Variants in RBFOX3 observed in about 807,000 individuals in gnomAD.
RBFOX3 encodes the protein RNA binding fox-1 homolog 3.
A neutral mutation model predicts 48.7 loss-of-function variants in RBFOX3; 17 were observed. The observed-to-expected ratio is 0.35, with a 90% CI of 0.24 to 0.52. The LOEUF (loss-of-function observed/expected upper bound fraction) is 0.52. RBFOX3 is among the 20% of genes least tolerant of loss of function. RBFOX3 has a pLI of 0.94. For synonymous variants in RBFOX3, 212 were observed against 209.5 expected (o/e 1.01, Z -0.10); for missense variants, 382 against 497.5 (o/e 0.77, Z 2.21).
At chr17:79,092,701 G>T in intron 14 of RBFOX3, 1 of 826,122 alleles carries the variant, frequency 1.2e-6, no homozygotes, top group Non-Finnish European at 1.4e-6. Flanking sequence ...AGGGGAAAAA[G>T]CAAAAAGAAA....
intron 3 of RBFOX3, among the ~76,000 whole-genome samples, chr17:79,251,120 T>G (rs2063889768): frequency 6.6e-6 from 1 of 152,106 alleles, no homozygotes; most frequent in South Asian, 2.1e-4. Flanking sequence ...GTTTCTGATG[T>G]GAGCTCAGCC....
chr17:79,575,449 G>C (rs1290749183), intron 1 of RBFOX3, among the ~76,000 whole-genome samples: 1 of 152,208 alleles, frequency 6.6e-6, no homozygotes, highest in Non-Finnish European at 1.5e-5. Context: ...GGGGCAGCCA[G>C]CAGGGCTGGG....
chr17:79,260,230 C>A (rs921438014), intron 3 of RBFOX3, among the ~76,000 whole-genome samples: 1 of 152,142 alleles, frequency 6.6e-6, no homozygotes. Context: ...CACCCCTCCC[C>A]ACTGGCTAGC....
rs181102192 is a variant in RBFOX3 at position 79,179,243 on chromosome 17, C to T, written c.-34+56523G>A. ...GCCTCCTAATGAATCTCAGAACAGA[C>T]CCTAGAATCCCCCTGCCCCTCGGCG... On this transcript the variant is annotated intron_variant, in intron 4 of 14. Coordinates refer to ENST00000693108, the MANE Select transcript of RBFOX3 (RefSeq NM_001350451.2). Among the ~76,000 whole-genome samples the T allele has an allele frequency of 3.9e-5, 6 of 152,348 alleles. No individual in the cohort carries two copies. In the East Asian group the frequency reaches 1.2e-3, roughly 29 times the overall value.
chr17:79,341,951 AT>A (rs1473677238), intron 2 of RBFOX3, among the ~76,000 whole-genome samples: 1 of 152,204 alleles, frequency 6.6e-6, no homozygotes, highest in Non-Finnish European at 1.5e-5. Context: ...CATTTGGAAA[AT>A]TTTGGCTTTG....
upstream of RBFOX3, among the ~76,000 whole-genome samples, chr17:79,614,478 G>GC (rs1380001527): frequency 0.94 from 143,599 of 152,222 alleles, 68,323 homozygotes; most frequent in Non-Finnish European, 0.99. Flanking sequence ...CAGCTTTGCA[G>GC]CCCCCCTAAG....
At chr17:79,426,462 C>T (rs371425636) in intron 2 of RBFOX3, among the ~76,000 whole-genome samples, 2 of 152,176 alleles carry the variant, frequency 1.3e-5, no homozygotes, top group Non-Finnish European at 2.9e-5. Flanking sequence ...GGAGCACTCG[C>T]GACACAGTGT....
chr17:79,261,446 G>A (rs531814804), intron 3 of RBFOX3, among the ~76,000 whole-genome samples: 149 of 152,366 alleles, frequency 9.8e-4, no homozygotes, highest in South Asian at 1.9e-3. Flanking sequence ...GGGGCATGGA[G>A]CTCCTTGGAA....
chr17:79,103,288 A>T lies in RBFOX3; in HGVS notation c.415-34T>A, dbSNP rs2076773940. On this transcript the variant is annotated intron_variant, in intron 7 of 14. Coordinates refer to ENST00000693108, the MANE Select transcript of RBFOX3 (RefSeq NM_001350451.2). This position sits in a 1 kb window ranked among gnomAD's most constrained non-coding sequence, Gnocchi z 6.1. Reference sequence around the variant, plus strand: ...AGAGGAGAGGGAAGGACAGGCACGGAGAGGAGGACACAGGGCGAGAAAGAG... The same window carrying T: ...AGAGGAGAGGGAAGGACAGGCACGGTGAGGAGGACACAGGGCGAGAAAGAG... 7.0e-7 allele frequency: 1 copy of T among 1,437,206 alleles called. No individual in the cohort carries two copies. Among genetic ancestry groups the T allele is most frequent in the Non-Finnish European group, 9.6e-7 (1 of 1,044,486 alleles). 89.0% of individuals were successfully genotyped at this position (1,437,206 alleles called of 1,614,324 possible). A position where few individuals can be genotyped will look rare whatever the true frequency, so the allele number is the denominator to read the frequency against.
At chr17:79,149,821 C>G (rs1201657453) in intron 4 of RBFOX3, among the ~76,000 whole-genome samples, 1 of 151,258 alleles carries the variant, frequency 6.6e-6, no homozygotes, top group Non-Finnish European at 1.5e-5. Context: ...CACTGAGCAT[C>G]TCTGAGTGCC....
chr17:79,585,616 T>C (rs2093224596), intron 1 of RBFOX3, among the ~76,000 whole-genome samples: 1 of 151,942 alleles, frequency 6.6e-6, no homozygotes, highest in African/African-American at 2.4e-5. Context: ...GGGGGAGGTC[T>C]AGGAATATTC....
At chr17:79,325,823 AG>A (rs373528955) in intron 2 of RBFOX3, among the ~76,000 whole-genome samples, 2 of 152,182 alleles carry the variant, frequency 1.3e-5, no homozygotes, top group African/African-American at 4.8e-5. Context: ...ACTCCATTAC[AG>A]GGCGAGGCTG....
At chr17:79,532,946 C>T (rs1481171189) in intron 1 of RBFOX3, among the ~76,000 whole-genome samples, 1 of 152,212 alleles carries the variant, frequency 6.6e-6, no homozygotes, top group Non-Finnish European at 1.5e-5. Context: ...TGGCAGCAGA[C>T]TTTACTGGTT....
At chr17:79,313,237 G>T (rs2077087274) in intron 2 of RBFOX3, among the ~76,000 whole-genome samples, 1 of 152,180 alleles carries the variant, frequency 6.6e-6, no homozygotes, top group Non-Finnish European at 1.5e-5. Context: ...ATTATCAAAG[G>T]GGTAGGGCAG....
the RBFOX3 span, among the ~76,000 whole-genome samples, chr17:79,641,152 T>A: frequency 1.3e-5 from 2 of 152,202 alleles, no homozygotes; most frequent in African/African-American, 4.8e-5. Context: ...AGTACTTGAA[T>A]GACATTTCTC....
chr17:79,247,311 T>TA (rs2063317994), intron 3 of RBFOX3, among the ~76,000 whole-genome samples: 1 of 33,980 alleles, frequency 2.9e-5, no homozygotes, highest in African/African-American at 1.2e-4. Flanking sequence ...CATAATCGTA[T>TA]TTTTTTTTTT....
chr17:79,425,209 A>G (rs993097037), intron 2 of RBFOX3, among the ~76,000 whole-genome samples: 8 of 151,774 alleles, frequency 5.3e-5, no homozygotes, highest in African/African-American at 1.7e-4. Context: ...CACCCTGCAA[A>G]CCCCCCTTCC....
chr17:79,421,692 A>AT lies in RBFOX3; in HGVS notation c.-175+60761dup, dbSNP rs2090846814. 3.3e-5 allele frequency among the ~76,000 whole-genome samples: 5 copies of AT among 152,196 alleles called. No individual in the cohort carries two copies. The South Asian group carries it at 1.0e-3, about 31-fold the overall frequency. ...CACCATAGGACCAAACAAGATGACC[A>AT]TAGGACCAAGCAAGATGACGCAGGC... On this transcript the variant is annotated intron_variant, in intron 2 of 14. Transcript: ENST00000693108. This position sits in a 1 kb window ranked among gnomAD's most constrained non-coding sequence, Gnocchi z 4.5.
intron 2 of RBFOX3, among the ~76,000 whole-genome samples, chr17:79,368,254 G>A (rs1487872598): frequency 1.3e-5 from 2 of 151,816 alleles, no homozygotes; most frequent in African/African-American, 4.8e-5. Context: ...TAAAGCAAAG[G>A]GAGCTGCAAA....
Sources: allele counts gnomAD v4.1 joint callset (sites outside exome capture counted in the v4.1 genomes callset), GRCh38; gene constraint gnomAD v4.1.1; non-coding constraint Gnocchi (gnomAD v3.1); transcripts MANE v1.5; gene names NCBI Gene and HGNC (gene_info 2026-07-23, HGNC 2026-07-21).